Variants in TENT5A observed in about 807,000 individuals in gnomAD.
TENT5A encodes HBV X-transactivated gene 11 protein.
In TENT5A, 9 loss-of-function variants were observed where a neutral mutation model predicts 30.2. That is an observed-to-expected ratio of 0.30 (90% CI 0.18 to 0.52). The LOEUF (loss-of-function observed/expected upper bound fraction) is 0.52. Among genes scored for constraint, TENT5A ranks in the 20% least tolerant of loss-of-function variants. The probability of loss-of-function intolerance (pLI) is 0.97; values close to 1 mark genes in which losing one functional copy is unlikely to be tolerated. For missense variants in TENT5A, 411 were observed against 566.1 expected, an observed-to-expected ratio of 0.73 and a Z score of 2.78; for synonymous variants, 264 against 234.2, an observed-to-expected ratio of 1.13 and a Z score of -1.16.
Position 81,747,668 on chromosome 6 carries a change from G to T in TENT5A, c.*2027C>A. 3.0e-6 allele frequency: 3 copies of T among 985,362 alleles called. No homozygotes were observed. Among genetic ancestry groups the T allele is most frequent in the Non-Finnish European group, 3.6e-6 (3 of 829,596 alleles). 61.0% of individuals were successfully genotyped at this position (985,362 alleles called of 1,614,324 possible). On this transcript the variant is annotated 3_prime_UTR_variant, in exon 3 of 3. Coordinates refer to ENST00000320172, the MANE Select transcript of TENT5A (RefSeq NM_017633.3). ...AACTGATGATGAAAATCTTCTAATTGGGTCTTCGAGGAATTATCATAGCAA... is the reference window on the plus strand; with the variant it reads ...AACTGATGATGAAAATCTTCTAATTTGGTCTTCGAGGAATTATCATAGCAA...
chr6:81,746,880 A>G lies in TENT5A; in HGVS notation c.*2815T>C. ...TGTTCAACTACATATGCACAAGACTATAGTACACACAAAATAGAAATAAAT... is the reference window on the plus strand; with the variant it reads ...TGTTCAACTACATATGCACAAGACTGTAGTACACACAAAATAGAAATAAAT... On this transcript the variant is annotated 3_prime_UTR_variant, in exon 3 of 3. Coordinates refer to ENST00000320172, the MANE Select transcript of TENT5A (RefSeq NM_017633.3). The G allele has an allele frequency of 3.7e-6, 4 of 1,089,272 alleles. No individual in the cohort carries two copies. The highest frequency in any genetic ancestry group is 4.5e-6 in the Non-Finnish European group (4 of 897,888). The allele number at this position is 1,089,272 out of a possible 1,614,324, so 67.5% of individuals were successfully genotyped here.
At position 81,745,969 on chromosome 6, in the gene TENT5A, G is replaced by A. The variant is rs955552168; in HGVS notation, c.*3726C>T. 2.0e-6 allele frequency: 2 copies of A among 985,746 alleles called. No individual in the cohort carries two copies. The highest frequency in any genetic ancestry group is 2.4e-6 in the Non-Finnish European group (2 of 829,956). 61.1% of individuals were successfully genotyped at this position (985,746 alleles called of 1,614,324 possible). A position where few individuals can be genotyped will look rare whatever the true frequency, so the allele number is the denominator to read the frequency against. On this transcript the variant is annotated 3_prime_UTR_variant, in exon 3 of 3. Coordinates refer to ENST00000320172, the MANE Select transcript of TENT5A (RefSeq NM_017633.3). ...AAGCAGGCATGATTGTAGAGAGGTT[G>A]GAGGGAGAGACAGCCAGCAGGCAGA... is the stretch of plus-strand genomic sequence containing the variant.
chr6:81,752,257 C>G (rs1769062460), intron 1 of TENT5A, 79 bp from the exon 2 acceptor site: 2 of 1,478,394 alleles, frequency 1.4e-6, no homozygotes, highest in Admixed American at 2.7e-5. Context: ...CAGAGGCCCG[C>G]CAGGAAAAGA....
In TENT5A at chr6:81,747,794, T is replaced by G; in HGVS notation, c.*1901A>C. 1 of 985,850 alleles carries G rather than the reference T, an allele frequency of 1.0e-6. No homozygotes were observed. The highest frequency in any genetic ancestry group is 1.2e-6 in the Non-Finnish European group (1 of 829,906). 61.1% of individuals were successfully genotyped at this position (985,850 alleles called of 1,614,324 possible). A position where few individuals can be genotyped will look rare whatever the true frequency, so the allele number is the denominator to read the frequency against. On this transcript the variant is annotated 3_prime_UTR_variant, in exon 3 of 3. Coordinates refer to ENST00000320172, the MANE Select transcript of TENT5A (RefSeq NM_017633.3). ...TGTTTTGTTTTTAACAAATGCATTT[T>G]CAGAGACCAGTATCTAGAGGAACTA...
Position 81,747,584 on chromosome 6 carries a change from C to T in TENT5A, c.*2111G>A. The T allele has an allele frequency of 1.0e-6, 1 of 985,362 alleles. No homozygotes were observed. Among genetic ancestry groups the T allele is most frequent in the Non-Finnish European group, 1.2e-6 (1 of 829,618 alleles). The allele number at this position is 985,362 out of a possible 1,614,324, so 61.0% of individuals were successfully genotyped here. ...AAGCATCTGAGGATCCCTAGATAAA[C>T]AAACAAACAAATTATACTGCCAACA... On this transcript the variant is annotated 3_prime_UTR_variant, in exon 3 of 3. Coordinates refer to ENST00000320172, the MANE Select transcript of TENT5A (RefSeq NM_017633.3).
chr6:81,752,526 AT>A lies in TENT5A; in HGVS notation c.-134del. 4 of 1,299,124 alleles carry A rather than the reference AT, an allele frequency of 3.1e-6. No individual in the cohort carries two copies. Among genetic ancestry groups the A allele is most frequent in the Non-Finnish European group, 4.4e-6 (4 of 917,880 alleles). The allele number at this position is 1,299,124 out of a possible 1,614,324, so 80.5% of individuals were successfully genotyped here. A position where few individuals can be genotyped will look rare whatever the true frequency, so the allele number is the denominator to read the frequency against. On this transcript the variant is annotated 5_prime_UTR_variant, in exon 1 of 3. Transcript: ENST00000320172. ...AGCTGCGAGCGCGCTCAGACAGCAA[AT>A]AGCGACTTCGTCTTTCCCAGACCCC...
In TENT5A at chr6:81,749,277, C is replaced by A. The variant is rs180876905; in HGVS notation, c.*418G>T. ...AACTGATTCACAAGTTGGAGTGAGA[C>A]CTTTTTTCCTCCGTATTTTCCCTTT... On this transcript the variant is annotated 3_prime_UTR_variant, in exon 3 of 3. Coordinates refer to ENST00000320172, the MANE Select transcript of TENT5A (RefSeq NM_017633.3). 1.0e-6 allele frequency: 1 copy of A among 992,602 alleles called. No homozygotes were observed. The highest frequency in any genetic ancestry group is 1.2e-6 in the Non-Finnish European group (1 of 834,930). 61.5% of individuals were successfully genotyped at this position (992,602 alleles called of 1,614,324 possible).
rs1262023348 is a variant in TENT5A, at chr6:81,748,679, C to T, written c.*1016G>A. ...CACACACACATATAATTTATACACA[C>T]ATACACATGTACCTATGATAATATC... On this transcript the variant is annotated 3_prime_UTR_variant, in exon 3 of 3. Transcript: ENST00000320172. 1.1e-6 allele frequency: 1 copy of T among 951,444 alleles called. No individual in the cohort carries two copies. The allele number at this position is 951,444 out of a possible 1,614,324, so 58.9% of individuals were successfully genotyped here.
At position 81,752,483 on chromosome 6, in the gene TENT5A, G is replaced by C. The variant is rs1769070090; in HGVS notation, c.-90C>G. Reference sequence around the variant, plus strand: ...GCAGCGAGCGAGAGCGAAACCGAGAGGCGGCAACACTTCCAGGAGCTGCGA... The same window carrying C: ...GCAGCGAGCGAGAGCGAAACCGAGACGCGGCAACACTTCCAGGAGCTGCGA... On this transcript the variant is annotated 5_prime_UTR_variant, in exon 1 of 3. Coordinates refer to ENST00000320172, the MANE Select transcript of TENT5A (RefSeq NM_017633.3). 1.3e-6 allele frequency: 2 copies of C among 1,537,158 alleles called. No individual in the cohort carries two copies. The highest frequency in any genetic ancestry group is 2.4e-5 in the East Asian group (1 of 40,834).
chr6:81,751,794 G>A lies in TENT5A; in HGVS notation c.348C>T (p.Arg116=), dbSNP rs771685102. 1 of 1,612,866 alleles carries A rather than the reference G, an allele frequency of 6.2e-7. No individual in the cohort carries two copies. Among genetic ancestry groups the A allele is most frequent in the Non-Finnish European group, 8.5e-7 (1 of 1,179,832 alleles). ...RRLAEKRIGV[R]DVRLNGSAAS... is the part of the protein sequence containing the mutation. Reference sequence around the variant, plus strand: ...CTGCCGAGCCGTTGAGGCGCACGTCGCGGACGCCAATGCGCTTCTCGGCCA... The same window carrying A: ...CTGCCGAGCCGTTGAGGCGCACGTCACGGACGCCAATGCGCTTCTCGGCCA... The change falls in exon 2 of 3, where the codon CGC becomes CGT. Residue 116 remains arginine (R), a synonymous_variant. Transcript: ENST00000320172.
chr6:81,751,632 G>C lies in TENT5A; in HGVS notation c.510C>G (p.Pro170=). The C allele has an allele frequency of 6.2e-7, 1 of 1,613,722 alleles. No homozygotes were observed. Among genetic ancestry groups the C allele is most frequent in the South Asian group, 1.1e-5 (1 of 91,040 alleles). The change falls in exon 2 of 3, where the codon CCC becomes CCG. Residue 170 remains proline, a synonymous_variant. Transcript: ENST00000320172. ...TGATCTTCTCTTTGTTCACCCCCTC[G>C]GGTAAGAAGTCCAACAGGCAGTCCA... ...VVLDCLLDFL[P]EGVNKEKITP...
chr6:81,749,993 A>G lies in TENT5A; in HGVS notation c.1031T>C (p.Phe344Ser). 6.2e-7 allele frequency: 1 copy of G among 1,614,112 alleles called. No homozygotes were observed. The highest frequency in any genetic ancestry group is 8.5e-7 in the Non-Finnish European group (1 of 1,180,006). ...RKLESYLQNHFVGLEDRKYEY... is the reference protein window; with the variant it reads ...RKLESYLQNHSVGLEDRKYEY... The stretch of plus-strand genomic sequence containing the variant: ...ATACTTGCGGTCTTCCAATCCCACA[A>G]AGTGGTTCTGCAAATAGGACTCCAG... Residue 344 changes from phenylalanine to serine, a missense_variant, in exon 3 of 3, where the codon TTT becomes TCT. Transcript: ENST00000320172.
rs1769038573 is a variant in TENT5A, at chr6:81,751,745, T to C, written c.397A>G (p.Ser133Gly). 6.2e-7 allele frequency: 1 copy of C among 1,613,588 alleles called. No homozygotes were observed. Residue 133 changes from serine (S) to glycine (G), a missense_variant, in exon 2 of 3, where the codon AGC (serine) becomes GGC (glycine). Physicochemically the swap from Ser to Gly is moderately conservative, Grantham distance 56. This residue lies in a region of TENT5A where 157 missense variants were observed against 183.2 expected (regional missense o/e 0.86). Transcript: ENST00000320172. Reference protein sequence around the residue: ...SAASHVLHQDSGLGYKDLDLI... With the variant: ...SAASHVLHQDGGLGYKDLDLI... The stretch of plus-strand genomic sequence containing the variant: ...TCCAGGTCCTTGTAGCCCAGGCCGC[T>C]GTCCTGGTGCAGGACATGGCTGGCT...
Position 81,751,894 on chromosome 6 carries a change from G to T in TENT5A, c.248C>A (p.Pro83Gln). ...RLDGILSETI[P>Q]IHGRGNFPTL... Reference sequence around the variant, plus strand: ...GGGGAAGTTGCCGCGCCCGTGAATCGGAATGGTCTCGCTCAGGATGCCGTC... The same window carrying T: ...GGGGAAGTTGCCGCGCCCGTGAATCTGAATGGTCTCGCTCAGGATGCCGTC... Residue 83 changes from proline to glutamine, a missense_variant, in exon 2 of 3, where the codon CCG becomes CAG. Coordinates refer to ENST00000320172, the MANE Select transcript of TENT5A (RefSeq NM_017633.3). 6.2e-7 allele frequency: 1 copy of T among 1,613,228 alleles called. No homozygotes were observed. Among genetic ancestry groups the T allele is most frequent in the Non-Finnish European group, 8.5e-7 (1 of 1,179,922 alleles).
chr6:81,751,622 T>G lies in TENT5A; in HGVS notation c.520A>C (p.Asn174His). Reference sequence around the variant, plus strand: ...GTGAGTGGTGTGATCTTCTCTTTGTTCACCCCCTCGGGTAAGAAGTCCAAC... The same window carrying G: ...GTGAGTGGTGTGATCTTCTCTTTGTGCACCCCCTCGGGTAAGAAGTCCAAC... Reference protein sequence around the residue: ...CLLDFLPEGVNKEKITPLTLK... With the variant: ...CLLDFLPEGVHKEKITPLTLK... The change falls in exon 2 of 3, where the codon AAC becomes CAC. Residue 174 changes from asparagine (N) to histidine (H), a missense_variant. Transcript: ENST00000320172. 1 of 1,613,220 alleles carries G rather than the reference T, an allele frequency of 6.2e-7. No homozygotes were observed. The highest frequency in any genetic ancestry group is 8.5e-7 in the Non-Finnish European group (1 of 1,179,564).
chr6:81,748,293 G>T lies in TENT5A; in HGVS notation c.*1402C>A. On this transcript the variant is annotated 3_prime_UTR_variant, in exon 3 of 3. Coordinates refer to ENST00000320172, the MANE Select transcript of TENT5A (RefSeq NM_017633.3). ...GAATGCAATTTTTTTTTTAATAAAT[G>T]GGTTCCAACTGTCAAAATGGCAGTT... 1.0e-6 allele frequency: 1 copy of T among 982,150 alleles called. No individual in the cohort carries two copies. The highest frequency in any genetic ancestry group is 1.1e-4 in the East Asian group (1 of 8,728). The allele number at this position is 982,150 out of a possible 1,614,324, so 60.8% of individuals were successfully genotyped here.
In TENT5A at chr6:81,746,107, T is replaced by C. The variant is rs1768880116; in HGVS notation, c.*3588A>G. On this transcript the variant is annotated 3_prime_UTR_variant, in exon 3 of 3. Transcript: ENST00000320172. ...GCCATTATTTTAACAAAATATAACA[T>C]AGAGATTCTTTCTTAGCACTGAAAA... 1.0e-6 allele frequency: 1 copy of C among 980,820 alleles called. No individual in the cohort carries two copies. The allele number at this position is 980,820 out of a possible 1,614,324, so 60.8% of individuals were successfully genotyped here.
rs1247661295 is a variant in TENT5A at position 81,752,034 on chromosome 6, G to C, written c.108C>G (p.Asp36Glu). ...DFGGGDFGGG[D>E]FGGGDFGGGG... ...CACCGCCGAAGTCGCCGCCGCCGAA[G>C]TCGCCGCCGCCGAAGTCGCCGCCGC... Residue 36 changes from aspartate to glutamate, a missense_variant, in exon 2 of 3, where the codon GAC (aspartate) becomes GAG (glutamate). This residue lies in a region of TENT5A where 10 missense variants were observed against 32.6 expected (regional missense o/e 0.31). Coordinates refer to ENST00000320172, the MANE Select transcript of TENT5A (RefSeq NM_017633.3). 1.3e-6 allele frequency: 2 copies of C among 1,581,290 alleles called. No individual in the cohort carries two copies. Among genetic ancestry groups the C allele is most frequent in the Non-Finnish European group, 1.7e-6 (2 of 1,158,686 alleles).
chr6:81,749,628 C>CTTTTTTT lies in TENT5A; in HGVS notation c.*60_*66dup. The CTTTTTTT allele has an allele frequency of 1.6e-6, 2 of 1,229,712 alleles. No homozygotes were observed. The highest frequency in any genetic ancestry group is 2.2e-6 in the Non-Finnish European group (2 of 929,028). 76.2% of individuals were successfully genotyped at this position (1,229,712 alleles called of 1,614,324 possible). ...AGGGCTGGATCACTCTTTTTTTTTT[C>CTTTTTTT]TTTTTTTTTTTTTTCTCTCCTGTCT... On this transcript the variant is annotated 3_prime_UTR_variant, in exon 3 of 3. Coordinates refer to ENST00000320172, the MANE Select transcript of TENT5A (RefSeq NM_017633.3).
Sources: gnomAD v4.1 joint callset for allele counts on GRCh38, gnomAD v4.1.1 for gene constraint, gnomAD v4.1.1 regional missense constraint, MANE v1.5 for transcripts, NCBI Gene and HGNC (gene_info 2026-07-23, HGNC 2026-07-21) for gene names.